The following DIS3L2 variants were observed in gnomAD, a reference collection of about 807,000 sequenced individuals.
DIS3L2 encodes the protein DIS3 like 3'-5' exoribonuclease 2, also known as DIS3-like exonuclease 2.
DIS3L2 carries 34 observed loss-of-function variants against 97.5 expected under a neutral mutation model. The observed-to-expected ratio is 0.35, with a 90% CI of 0.27 to 0.46. The LOEUF (loss-of-function observed/expected upper bound fraction) is 0.46, where lower values mean the gene tolerates loss of function less well. Ranked by LOEUF, DIS3L2 falls within the 20% of genes least tolerant of loss-of-function variation. The probability of loss-of-function intolerance (pLI) is 1.00; values close to 1 mark genes in which losing one functional copy is unlikely to be tolerated. For synonymous variants in DIS3L2, 435 were observed against 445.2 expected (o/e 0.98, Z 0.29); for missense variants, 1,038 against 1,146.0 (o/e 0.91, Z 1.36).
intron 6 of DIS3L2, among the ~76,000 whole-genome samples, chr2:232,127,173 C>T (rs1698085633): frequency 6.6e-6 from 1 of 152,186 alleles, no homozygotes; most frequent in African/African-American, 2.4e-5. Context: ...GTTTGTAAAG[C>T]TACAGCCCAG....
intron 14 of DIS3L2, among the ~76,000 whole-genome samples, chr2:232,314,714 G>A (rs1030778587): frequency 3.9e-5 from 6 of 152,156 alleles, no homozygotes; most frequent in Admixed American, 6.5e-5. Context: ...TGTCTGTCAC[G>A]TTGCCATTTG....
intron 11 of DIS3L2, among the ~76,000 whole-genome samples, chr2:232,239,604 C>T (rs1693025261): frequency 6.6e-6 from 1 of 152,170 alleles, no homozygotes; most frequent in African/African-American, 2.4e-5. Context: ...TTCCTGCCTC[C>T]CAAGCCCATG....
chr2:232,105,018 A>G (rs1697319419), intron 6 of DIS3L2, among the ~76,000 whole-genome samples: 1 of 152,018 alleles, frequency 6.6e-6, no homozygotes, highest in Non-Finnish European at 1.5e-5. Flanking sequence ...GGGTTTCACT[A>G]TGTTGCCCAG....
At chr2:232,261,889 A>G (rs1693720462) in intron 12 of DIS3L2, among the ~76,000 whole-genome samples, 1 of 152,150 alleles carries the variant, frequency 6.6e-6, no homozygotes, top group African/African-American at 2.4e-5. Flanking sequence ...TCTATGTCTT[A>G]GTTTCCTCAA....
intron 5 of DIS3L2, among the ~76,000 whole-genome samples, chr2:232,032,759 A>G (rs1051361215): frequency 1.3e-5 from 2 of 152,130 alleles, no homozygotes; most frequent in Non-Finnish European, 2.9e-5. Flanking sequence ...TCCTTTCCCC[A>G]TTGCTTGTTT....
At chr2:232,271,551 A>G (rs1345726880) in intron 13 of DIS3L2, among the ~76,000 whole-genome samples, 1 of 152,254 alleles carries the variant, frequency 6.6e-6, no homozygotes, top group African/African-American at 2.4e-5. Flanking sequence ...ATAGTTCTAG[A>G]GTCAGCGAGG....
At chr2:232,138,358 AATG>A (rs1370589788) in intron 8 of DIS3L2, among the ~76,000 whole-genome samples, 1 of 152,190 alleles carries the variant, frequency 6.6e-6, no homozygotes, top group Non-Finnish European at 1.5e-5. Context: ...CAAAATAAAA[AATG>A]AAGATAATCA....
At chr2:232,095,032 T>C (rs1410844733) in intron 6 of DIS3L2, among the ~76,000 whole-genome samples, 1 of 152,206 alleles carries the variant, frequency 6.6e-6, no homozygotes, top group Non-Finnish European at 1.5e-5. Context: ...TTATTTTCAG[T>C]TGATGTGTGT....
At chr2:231,976,500 G>A (rs1297370339) in intron 1 of DIS3L2, among the ~76,000 whole-genome samples, 2 of 151,836 alleles carry the variant, frequency 1.3e-5, no homozygotes, top group South Asian at 2.1e-4. Context: ...ATGGTGGTGC[G>A]TGCCTATAGT....
At chr2:232,221,024 T>G (rs1012130106) in intron 10 of DIS3L2, among the ~76,000 whole-genome samples, 79 of 139,578 alleles carry the variant, frequency 5.7e-4, no homozygotes, top group Non-Finnish European at 1.7e-4. Context: ...ATTGCTTGAA[T>G]CCAGGAGGCG....
downstream of DIS3L2, among the ~76,000 whole-genome samples, chr2:232,341,397 CG>C (rs1401452466): frequency 5.3e-5 from 8 of 152,320 alleles, no homozygotes; most frequent in South Asian, 2.1e-4. Context: ...CATAGAGCCT[CG>C]GGTTGGATTA....
intron 1 of DIS3L2, among the ~76,000 whole-genome samples, chr2:232,006,452 A>T (rs1240556785): frequency 1.3e-5 from 2 of 152,226 alleles, no homozygotes; most frequent in Non-Finnish European, 2.9e-5. Flanking sequence ...AAGAGATTAG[A>T]TGTCTACTGT....
At chr2:232,284,317 T>C (rs1694371329) in intron 13 of DIS3L2, among the ~76,000 whole-genome samples, 1 of 152,176 alleles carries the variant, frequency 6.6e-6, no homozygotes, top group Non-Finnish European at 1.5e-5. Flanking sequence ...GCTGCAGTTG[T>C]GTGACCCAGA....
intron 5 of DIS3L2, among the ~76,000 whole-genome samples, chr2:232,086,331 ATG>A (rs1696594043): frequency 6.9e-6 from 1 of 145,004 alleles, no homozygotes; most frequent in Non-Finnish European, 1.5e-5. Context: ...GCATATGCAT[ATG>A]TATATATACA....
intron 9 of DIS3L2, among the ~76,000 whole-genome samples, chr2:232,175,508 G>A (rs1009195308): frequency 6.6e-6 from 1 of 152,104 alleles, no homozygotes; most frequent in Non-Finnish European, 1.5e-5. Context: ...GGATAACACT[G>A]GCCTCATAGA....
rs1693355985 is a variant in DIS3L2, at chr2:232,249,312, T to C, written c.1391T>C (p.Phe464Ser). 3 of 1,614,220 alleles carry C rather than the reference T, an allele frequency of 1.9e-6. No homozygotes were observed. Among genetic ancestry groups the C allele is most frequent in the Non-Finnish European group, 2.5e-6 (3 of 1,180,024 alleles). ...AACCCCATGTCCGACAAGCTGACCT[T>C]CTCTGTGATCTGGACACTGACTCCA... ...SLNPMSDKLT[F>S]SVIWTLTPEG... Residue 464 changes from phenylalanine (F) to serine (S), a missense_variant, in exon 12 of 21, where the codon TTC becomes TCC. This residue lies in a region of DIS3L2 where 813 missense variants were observed against 880.1 expected (regional missense o/e 0.92). Transcript: ENST00000325385.
intron 8 of DIS3L2, among the ~76,000 whole-genome samples, chr2:232,138,755 A>T (rs1698428166): frequency 6.6e-6 from 1 of 152,186 alleles, no homozygotes; most frequent in Non-Finnish European, 1.5e-5. Context: ...TGTTATGGTT[A>T]GCTTCCACAT....
rs2106246208 is a variant in DIS3L2, at chr2:232,232,970, G to A, written c.1205-5563G>A. Reference sequence around the variant, plus strand: ...ACATGGAGCTTAGACACCCAGAGTGGGGCCCAGAGCTAAGGAGGAGTGTCT... The same window carrying A: ...ACATGGAGCTTAGACACCCAGAGTGAGGCCCAGAGCTAAGGAGGAGTGTCT... On this transcript the variant is annotated intron_variant, in intron 10 of 20. Transcript: ENST00000325385. Among the ~76,000 whole-genome samples, 3 of 152,278 alleles carry A rather than the reference G, an allele frequency of 2.0e-5. No individual in the cohort carries two copies. In the Middle Eastern group the frequency reaches 0.01, roughly 518 times the overall value.
chr2:232,144,380 T>G (rs191364010), intron 8 of DIS3L2, among the ~76,000 whole-genome samples: 22 of 152,250 alleles, frequency 1.4e-4, no homozygotes, highest in Admixed American at 6.5e-4. Context: ...TGATTTTTGT[T>G]ATTTTTTTCC....
Sources: gnomAD v4.1 joint callset for allele counts (sites outside exome capture counted in the v4.1 genomes callset) on GRCh38, gnomAD v4.1.1 for gene constraint, gnomAD v4.1.1 regional missense constraint, MANE v1.5 for transcripts, NCBI Gene and HGNC (gene_info 2026-07-23, HGNC 2026-07-21) for gene names.